KCND3: variants seen among roughly 807,000 people sequenced by gnomAD.
KCND3 encodes the protein A-type voltage-gated potassium channel KCND3.
A neutral mutation model predicts 51.1 loss-of-function variants in KCND3; 9 were observed. That is an observed-to-expected ratio of 0.18 (90% CI 0.11 to 0.31). KCND3 has a LOEUF of 0.31. Ranked by LOEUF, KCND3 falls within the 10% of genes least tolerant of loss-of-function variation. The pLI, the probability that KCND3 is intolerant of heterozygous loss-of-function variation, is 1.00. For missense variants in KCND3, 526 were observed against 903.8 expected (o/e 0.58, Z 5.36); for synonymous variants, 349 against 368.0 (o/e 0.95, Z 0.59).
intron 2 of KCND3, among the ~76,000 whole-genome samples, chr1:111,889,459 G>A (rs972452894): frequency 5.3e-5 from 8 of 152,210 alleles, no homozygotes; most frequent in African/African-American, 1.9e-4. Context: ...GTAGAGATCA[G>A]GAAGTTGAGC....
At chr1:111,899,957 G>A (rs954763845) in intron 2 of KCND3, among the ~76,000 whole-genome samples, 3 of 152,164 alleles carry the variant, frequency 2.0e-5, no homozygotes, top group East Asian at 1.9e-4. Flanking sequence ...CCCAGAGCAG[G>A]GAATGATCAC....
At chr1:111,869,001 G>A (rs1368061232) in intron 2 of KCND3, among the ~76,000 whole-genome samples, 4 of 152,142 alleles carry the variant, frequency 2.6e-5, no homozygotes, top group Admixed American at 6.5e-5. Flanking sequence ...AGTAAGTGAT[G>A]AGTCAGGATT....
At chr1:111,954,033 T>C (rs1041519013) in intron 2 of KCND3, among the ~76,000 whole-genome samples, 19 of 152,038 alleles carry the variant, frequency 1.2e-4, no homozygotes, top group African/African-American at 4.6e-4. Context: ...GGGGGAAGTG[T>C]ACTCTCCGCC....
At position 111,804,588 on chromosome 1, in the gene KCND3, A is replaced by G. The variant is rs559032312; in HGVS notation, c.1107-17482T>C. Among the ~76,000 whole-genome samples, 6 of 152,296 alleles carry G rather than the reference A, an allele frequency of 3.9e-5. No homozygotes were observed. In the South Asian group the frequency reaches 1.0e-3, roughly 26 times the overall value. ...TCTGTGGGAAATCTAGCTGACCCCC[A>G]GGGAAGAGGCTGGAGTGAAGGTGCC... On this transcript the variant is annotated intron_variant, in intron 2 of 7. Coordinates refer to ENST00000302127, the MANE Select transcript of KCND3 (RefSeq NM_001378969.1).
At chr1:111,872,443 C>A (rs774646955) in intron 2 of KCND3, among the ~76,000 whole-genome samples, 25 of 152,120 alleles carry the variant, frequency 1.6e-4, no homozygotes, top group Non-Finnish European at 2.4e-4. Flanking sequence ...ACCTGTGAAC[C>A]TTTTTATCAT....
At chr1:111,953,884 G>A (rs776188306) in intron 2 of KCND3, among the ~76,000 whole-genome samples, 3 of 152,168 alleles carry the variant, frequency 2.0e-5, no homozygotes, top group South Asian at 2.1e-4. Context: ...CATTGAGGGC[G>A]TTTTCCCTCC....
chr1:111,939,859 C>T (rs1672410266), intron 2 of KCND3, among the ~76,000 whole-genome samples: 1 of 152,156 alleles, frequency 6.6e-6, no homozygotes, highest in African/African-American at 2.4e-5. Flanking sequence ...AGTGTAAAAG[C>T]ATTCCTATTT....
At chr1:111,955,738 C>A (rs1458230504) in intron 2 of KCND3, among the ~76,000 whole-genome samples, 1 of 152,176 alleles carries the variant, frequency 6.6e-6, no homozygotes, top group African/African-American at 2.4e-5. Flanking sequence ...AGAATGAATT[C>A]TTTTAGTTTT....
chr1:111,950,159 C>T (rs961865837), intron 2 of KCND3, among the ~76,000 whole-genome samples: 1 of 152,244 alleles, frequency 6.6e-6, no homozygotes, highest in African/African-American at 2.4e-5. Flanking sequence ...GATCCACCTG[C>T]CTCAGCCTCC....
intron 2 of KCND3, among the ~76,000 whole-genome samples, chr1:111,831,688 T>C (rs1666839470): frequency 6.6e-6 from 1 of 152,124 alleles, no homozygotes; most frequent in African/African-American, 2.4e-5. Context: ...CCAATTTAAA[T>C]GTTCTCAAAT....
At chr1:111,915,007 T>C (rs1022117413) in intron 2 of KCND3, among the ~76,000 whole-genome samples, 4 of 152,152 alleles carry the variant, frequency 2.6e-5, no homozygotes, top group African/African-American at 9.7e-5. Flanking sequence ...GGTACAAAAT[T>C]GAATATATAA....
At chr1:111,892,610 A>C (rs1669882716) in intron 2 of KCND3, among the ~76,000 whole-genome samples, 1 of 152,234 alleles carries the variant, frequency 6.6e-6, no homozygotes, top group Non-Finnish European at 1.5e-5. Context: ...TCTATGAGGG[A>C]AGGTTATGCA....
chr1:111,987,487 T>C (rs899642191), intron 1 of KCND3, among the ~76,000 whole-genome samples: 1 of 152,102 alleles, frequency 6.6e-6, no homozygotes, highest in Non-Finnish European at 1.5e-5. Flanking sequence ...AATTACCCCA[T>C]TGTTACTTTC....
At chr1:111,989,477 C>T (rs1022365661) in intron 1 of KCND3, among the ~76,000 whole-genome samples, 28 bp downstream of exon 1, 1 of 151,858 alleles carries the variant, frequency 6.6e-6, no homozygotes, top group Non-Finnish European at 1.5e-5. Flanking sequence ...CTTCCTGGCT[C>T]CAGAAGGCTC....
chr1:111,945,328 T>A (rs982116157), intron 2 of KCND3, among the ~76,000 whole-genome samples: 3 of 152,172 alleles, frequency 2.0e-5, no homozygotes, highest in African/African-American at 7.2e-5. Flanking sequence ...CACACTGGAT[T>A]AGTATAGAAG....
At chr1:111,826,016 T>C (rs980314666) in intron 2 of KCND3, among the ~76,000 whole-genome samples, 1 of 152,228 alleles carries the variant, frequency 6.6e-6, no homozygotes, top group African/African-American at 2.4e-5. Context: ...CTTTGCTAAT[T>C]TGCAAGCCAA....
chr1:111,813,070 C>G (rs1665929287), intron 2 of KCND3, among the ~76,000 whole-genome samples: 2 of 152,156 alleles, frequency 1.3e-5, no homozygotes, highest in African/African-American at 2.4e-5. Flanking sequence ...CCAACTATAG[C>G]CCCTATCTCC....
chr1:111,964,358 G>A (rs1373288), intron 2 of KCND3, among the ~76,000 whole-genome samples: 51,381 of 152,060 alleles, frequency 0.34, 9,200 homozygotes, highest in East Asian at 0.43. Flanking sequence ...CCCAACCTGC[G>A]GGCTGCAGTA....
intron 3 of KCND3, among the ~76,000 whole-genome samples, chr1:111,786,351 C>T (rs1474095912): frequency 6.6e-6 from 1 of 152,208 alleles, no homozygotes; most frequent in African/African-American, 2.4e-5. Flanking sequence ...CCATTTTCAG[C>T]AGTGTGTATT....
Sources: allele counts gnomAD v4.1 joint callset (sites outside exome capture counted in the v4.1 genomes callset), GRCh38; gene constraint gnomAD v4.1.1; transcripts MANE v1.5; gene names NCBI Gene and HGNC (gene_info 2026-07-23, HGNC 2026-07-21).